Variants in ULK4 observed in about 807,000 individuals in gnomAD.
ULK4 encodes the protein inactive serine/threonine-protein kinase ULK4.
In ULK4, 133 loss-of-function variants were observed where a neutral mutation model predicts 160.6. The observed-to-expected ratio is 0.83, with a 90% confidence interval of 0.72 to 0.96. The LOEUF is 0.96. ULK4 is among the 40% of genes least tolerant of loss of function. ULK4 has a pLI of 0.00. For missense variants in ULK4, 1,580 were observed against 1,499.5 expected (o/e 1.05, Z -0.89); for synonymous variants, 534 against 539.8 (o/e 0.99, Z 0.15).
intron 32 of ULK4, among the ~76,000 whole-genome samples, chr3:41,464,123 C>A (rs531793752): frequency 1.3e-5 from 2 of 152,198 alleles, no homozygotes; most frequent in South Asian, 4.2e-4. Context: ...GACCTGCAAT[C>A]TATTTGTCCC....
chr3:41,289,873 ATGTG>A lies in ULK4; in HGVS notation c.3679-40303_3679-40300del, dbSNP rs1179930172. Among the ~76,000 whole-genome samples the A allele has an allele frequency of 4.7e-5, 7 of 150,302 alleles. No individual in the cohort carries two copies. The East Asian group carries it at 7.8e-4, about 17-fold the overall frequency. ...TATGTATGTACGTATGTATGTATGTATGTGTGTGTGTGTGTATGTGTGACGGAGT... is the reference window on the plus strand; with the variant it reads ...TATGTATGTACGTATGTATGTATGTATGTGTGTGTGTATGTGTGACGGAGT... On this transcript the variant is annotated intron_variant, in intron 35 of 36. Coordinates refer to ENST00000301831, the MANE Select transcript of ULK4 (RefSeq NM_017886.4).
intron 12 of ULK4, among the ~76,000 whole-genome samples, chr3:41,901,241 G>T (rs1329439776): frequency 1.4e-5 from 2 of 145,236 alleles, no homozygotes; most frequent in East Asian, 4.1e-4. Context: ...GTACAGTAGC[G>T]TGATCTCGGC....
intron 32 of ULK4, among the ~76,000 whole-genome samples, chr3:41,488,360 A>G (rs1178641434): frequency 6.6e-6 from 1 of 152,174 alleles, no homozygotes; most frequent in Non-Finnish European, 1.5e-5. Flanking sequence ...GTTGGAAATT[A>G]GGCATGAACC....
intron 17 of ULK4, chr3:41,859,506 C>G (rs1469735891): frequency 3.7e-6 from 2 of 547,790 alleles, no homozygotes; most frequent in Admixed American, 1.9e-5. Flanking sequence ...AGTAAGGACC[C>G]TTAGGGATAA....
chr3:41,653,706 C>T (rs961070260), intron 30 of ULK4, among the ~76,000 whole-genome samples: 2 of 152,184 alleles, frequency 1.3e-5, no homozygotes, highest in African/African-American at 2.4e-5. Flanking sequence ...GTCTCACATT[C>T]ATCTCTTTAA....
At chr3:41,780,394 A>C (rs1345343003) in intron 21 of ULK4, among the ~76,000 whole-genome samples, 1 of 151,828 alleles carries the variant, frequency 6.6e-6, no homozygotes, top group Non-Finnish European at 1.5e-5. Context: ...AATATAAAAG[A>C]TGTTATCTTT....
chr3:41,273,979 G>A (rs59288542), intron 35 of ULK4, among the ~76,000 whole-genome samples: 20 of 152,166 alleles, frequency 1.3e-4, no homozygotes, highest in East Asian at 7.7e-4. Context: ...CTGCAAAACC[G>A]TGGGCGAAAT....
chr3:41,941,352 A>AC (rs1269400130), intron 2 of ULK4, among the ~76,000 whole-genome samples: 1 of 151,114 alleles, frequency 6.6e-6, no homozygotes, highest in Non-Finnish European at 1.5e-5. Flanking sequence ...AAAAAAAAAA[A>AC]AAACCTTTTT....
Position 41,585,828 on chromosome 3 carries a change from C to A in ULK4, c.3121-19698G>T, listed in dbSNP as rs1437164836. Reference sequence around the variant, plus strand: ...AACTCCTATATTTCAATAACAACAACAAAATTAAAAATAGACAAGGACTTG... The same window carrying A: ...AACTCCTATATTTCAATAACAACAAAAAAATTAAAAATAGACAAGGACTTG... On this transcript the variant is annotated intron_variant, in intron 31 of 36. Transcript: ENST00000301831. 3.3e-5 allele frequency among the ~76,000 whole-genome samples: 5 copies of A among 152,126 alleles called. No individual in the cohort carries two copies. The South Asian group carries it at 1.0e-3, about 32-fold the overall frequency.
chr3:41,668,820 G>T (rs2035436086), intron 29 of ULK4, among the ~76,000 whole-genome samples: 1 of 152,126 alleles, frequency 6.6e-6, no homozygotes, highest in Non-Finnish European at 1.5e-5. Flanking sequence ...TGAGTAAATT[G>T]TTGGGTAAGA....
intron 27 of ULK4, among the ~76,000 whole-genome samples, chr3:41,688,762 C>A (rs527455831): frequency 6.6e-6 from 1 of 152,312 alleles, no homozygotes; most frequent in East Asian, 1.9e-4. Context: ...TATTTACTTT[C>A]CCATGATTCA....
intron 35 of ULK4, among the ~76,000 whole-genome samples, chr3:41,288,000 ATG>A (rs2079494632): frequency 6.6e-6 from 1 of 152,182 alleles, no homozygotes; most frequent in Non-Finnish European, 1.5e-5. Context: ...ATTGGGTTAA[ATG>A]TCTTTAGAGT....
intron 32 of ULK4, among the ~76,000 whole-genome samples, chr3:41,508,766 G>T (rs553655960): frequency 6.6e-6 from 1 of 152,266 alleles, no homozygotes; most frequent in South Asian, 2.1e-4. Flanking sequence ...ATCCCTAGGG[G>T]AAGGGTGAGA....
At chr3:41,334,322 C>A (rs2080507904) in intron 35 of ULK4, among the ~76,000 whole-genome samples, 1 of 152,126 alleles carries the variant, frequency 6.6e-6, no homozygotes, top group Non-Finnish European at 1.5e-5. Context: ...TCTTCAGGTT[C>A]TATTAGTCAC....
At chr3:41,289,846 TGTATGTATGTAC>T (rs1169309070) in intron 35 of ULK4, among the ~76,000 whole-genome samples, 4 of 144,896 alleles carry the variant, frequency 2.8e-5, no homozygotes, top group Non-Finnish European at 4.6e-5. Flanking sequence ...TATGTATGTA[TGTATGTATGTAC>T]GTATGTATGT....
In ULK4 at chr3:41,463,312, T is replaced by A. The variant is rs2083741191; in HGVS notation, c.3227-59A>T. 5.2e-6 allele frequency: 8 copies of A among 1,541,100 alleles called. No homozygotes were observed. The South Asian group carries it at 8.5e-5, about 16-fold the overall frequency. ...TCATTAAGTACACAAATGTGTCATA[T>A]GAACCAAAAAGAGAGGCATTCTGGC... is the stretch of plus-strand genomic sequence containing the variant. On this transcript the variant is annotated intron_variant, in intron 32 of 36. Coordinates refer to ENST00000301831, the MANE Select transcript of ULK4 (RefSeq NM_017886.4).
intron 35 of ULK4, among the ~76,000 whole-genome samples, chr3:41,382,012 A>G (rs898129196): frequency 6.6e-6 from 1 of 151,282 alleles, no homozygotes; most frequent in Non-Finnish European, 1.5e-5. Context: ...TGCTCCAAAC[A>G]CTCCCTGGCT....
intron 4 of ULK4, among the ~76,000 whole-genome samples, chr3:41,934,436 T>C (rs1699695744): frequency 6.6e-6 from 1 of 152,188 alleles, no homozygotes. Flanking sequence ...AAAGAAAAAG[T>C]AAAAACTCAG....
intron 35 of ULK4, among the ~76,000 whole-genome samples, chr3:41,306,663 A>G (rs2079945959): frequency 6.6e-6 from 1 of 152,050 alleles, no homozygotes; most frequent in African/African-American, 2.4e-5. Context: ...CAGCTCATTG[A>G]GAACGGGCCA....
Sources: gnomAD v4.1 joint callset for allele counts (sites outside exome capture counted in the v4.1 genomes callset) on GRCh38, gnomAD v4.1.1 for gene constraint, MANE v1.5 for transcripts, NCBI Gene and HGNC (gene_info 2026-07-23, HGNC 2026-07-21) for gene names.